The following GRXCR1 variants were observed in gnomAD, a reference collection of about 807,000 sequenced individuals.
GRXCR1 encodes glutaredoxin domain-containing cysteine-rich protein 1.
A neutral mutation model predicts 27.3 loss-of-function variants in GRXCR1; 27 were observed. The observed-to-expected ratio is 0.99, with a 90% CI of 0.73 to 1.37. GRXCR1 has a LOEUF of 1.37. GRXCR1 is among the 40% of genes most tolerant of loss of function. The pLI, the probability that GRXCR1 is intolerant of heterozygous loss-of-function variation, is 0.00. For missense variants in GRXCR1, 379 were observed against 354.4 expected (o/e 1.07, Z -0.56); for synonymous variants, 122 against 131.1 (o/e 0.93, Z 0.47).
intron 1 of GRXCR1, among the ~76,000 whole-genome samples, chr4:42,923,968 T>C (rs1747083123): frequency 6.6e-6 from 1 of 152,014 alleles, no homozygotes; most frequent in Non-Finnish European, 1.5e-5. Context: ...AGTAAACCAC[T>C]CACCAACATC....
At chr4:42,933,202 T>C (rs1747371905) in intron 1 of GRXCR1, among the ~76,000 whole-genome samples, 1 of 151,884 alleles carries the variant, frequency 6.6e-6, no homozygotes, top group South Asian at 2.1e-4. Context: ...AAGAGACACC[T>C]CCACCTCTTT....
chr4:42,976,765 TA>T (rs1481667340), intron 2 of GRXCR1, among the ~76,000 whole-genome samples: 1 of 152,048 alleles, frequency 6.6e-6, no homozygotes, highest in Admixed American at 6.6e-5. Context: ...GTGGAATGGC[TA>T]AATCTAGCTA....
In GRXCR1 at chr4:42,903,404, T is replaced by C. The variant is rs544364678; in HGVS notation, c.384+9754T>C. On this transcript the variant is annotated intron_variant, in intron 1 of 3. Coordinates refer to ENST00000399770, the MANE Select transcript of GRXCR1 (RefSeq NM_001080476.3). ...TCGGCTCACTGCAAGCTCTGCCTCC[T>C]GGGTTCATGCCATTCTCCTGCCTCA... is the stretch of plus-strand genomic sequence containing the variant. Among the ~76,000 whole-genome samples the C allele has an allele frequency of 1.0e-4, 14 of 138,688 alleles. 2 individuals carry two copies. The East Asian group carries it at 1.1e-3, about 11-fold the overall frequency. 91.0% of individuals were successfully genotyped at this position (138,688 alleles called of 152,430 possible). A position where few individuals can be genotyped will look rare whatever the true frequency, so the allele number is the denominator to read the frequency against.
chr4:42,946,905 A>G (rs1017296949), intron 1 of GRXCR1, among the ~76,000 whole-genome samples: 2 of 152,166 alleles, frequency 1.3e-5, no homozygotes, highest in Non-Finnish European at 2.9e-5. Context: ...AAATTACATA[A>G]CATACACTTT....
intron 2 of GRXCR1, among the ~76,000 whole-genome samples, chr4:42,970,217 G>A (rs910930521): frequency 2.6e-5 from 4 of 152,112 alleles, no homozygotes; most frequent in Non-Finnish European, 4.4e-5. Flanking sequence ...TTGAGTGTCC[G>A]CAGCTTTTCC....
At chr4:42,995,044 A>T (rs1044318578) in intron 2 of GRXCR1, among the ~76,000 whole-genome samples, 1 of 152,128 alleles carries the variant, frequency 6.6e-6, no homozygotes, top group African/African-American at 2.4e-5. Flanking sequence ...TAATCTGTTT[A>T]TTAAACTGAA....
At chr4:42,901,263 T>C (rs1213060312) in intron 1 of GRXCR1, among the ~76,000 whole-genome samples, 1 of 152,164 alleles carries the variant, frequency 6.6e-6, no homozygotes, top group East Asian at 1.9e-4. Context: ...ATCAAATCAC[T>C]ACAAACTTAG....
intron 2 of GRXCR1, among the ~76,000 whole-genome samples, chr4:42,987,836 A>C (rs1301881665): frequency 6.6e-6 from 1 of 152,182 alleles, no homozygotes; most frequent in Non-Finnish European, 1.5e-5. Context: ...AACGTCAGAG[A>C]CTAGGGAAGA....
chr4:42,894,458 A>G (rs1431945913), intron 1 of GRXCR1, among the ~76,000 whole-genome samples: 1 of 152,112 alleles, frequency 6.6e-6, no homozygotes, highest in Admixed American at 6.6e-5. Context: ...GATTGCTATC[A>G]TTAAGGTAGC....
chr4:42,987,261 A>ATATATATATATAATATATATATATAATAT (rs1491549715), intron 2 of GRXCR1, among the ~76,000 whole-genome samples: 2 of 97,274 alleles, frequency 2.1e-5, no homozygotes, highest in African/African-American at 7.3e-5. Flanking sequence ...ATATATATAT[A>ATATATATATATAATATATATATATAATAT]ATATATATAT....
chr4:42,950,531 A>C (rs1747858145), intron 1 of GRXCR1, among the ~76,000 whole-genome samples: 1 of 152,190 alleles, frequency 6.6e-6, no homozygotes, highest in African/African-American at 2.4e-5. Flanking sequence ...AGATATTCAT[A>C]TTACAAGATA....
intron 2 of GRXCR1, 48 bp downstream of exon 2, chr4:42,963,182 C>T: frequency 5.6e-6 from 9 of 1,598,090 alleles, no homozygotes; most frequent in East Asian, 2.2e-5. Flanking sequence ...CCAACCAGGG[C>T]TGATAGAAAT....
chr4:42,950,432 T>A (rs1409540251), intron 1 of GRXCR1, among the ~76,000 whole-genome samples: 1 of 152,194 alleles, frequency 6.6e-6, no homozygotes, highest in Non-Finnish European at 1.5e-5. Flanking sequence ...ATGATTTTGG[T>A]GGTCATCCTC....
At chr4:42,934,692 G>A (rs1232157471) in intron 1 of GRXCR1, among the ~76,000 whole-genome samples, 2 of 151,846 alleles carry the variant, frequency 1.3e-5, no homozygotes, top group Admixed American at 6.6e-5. Flanking sequence ...TGTTATCCAT[G>A]TTTGTATTAA....
intron 2 of GRXCR1, among the ~76,000 whole-genome samples, chr4:42,971,191 A>T (rs1005576534): frequency 2.6e-5 from 4 of 152,120 alleles, no homozygotes; most frequent in Non-Finnish European, 4.4e-5. Context: ...CACTATCAAC[A>T]TTTTGGTCAA....
intron 2 of GRXCR1, among the ~76,000 whole-genome samples, chr4:42,976,201 G>A (rs796756714): frequency 6.6e-6 from 1 of 151,986 alleles, no homozygotes; most frequent in South Asian, 2.1e-4. Context: ...CACTATAAAA[G>A]TATAAAGCGG....
chr4:42,983,367 G>T (rs571578815), intron 2 of GRXCR1, among the ~76,000 whole-genome samples: 1,614 of 148,970 alleles, frequency 0.011, 11 homozygotes, highest in African/African-American at 0.037. Flanking sequence ...GATAGTTGTA[G>T]ATATGCGGCG....
At chr4:42,905,004 A>G (rs17449957) in intron 1 of GRXCR1, among the ~76,000 whole-genome samples, 30,889 of 152,140 alleles carry the variant, frequency 0.2, 3,189 homozygotes, top group South Asian at 0.31. Flanking sequence ...CGTAAAAGGC[A>G]TCTTGGTACC....
chr4:42,917,935 C>A (rs1746921503), intron 1 of GRXCR1, among the ~76,000 whole-genome samples: 1 of 152,070 alleles, frequency 6.6e-6, no homozygotes, highest in Non-Finnish European at 1.5e-5. Context: ...GAAAAGTCAG[C>A]ACTTACTTTT....
Sources: gnomAD v4.1 joint callset for allele counts (sites outside exome capture counted in the v4.1 genomes callset) on GRCh38, gnomAD v4.1.1 for gene constraint, MANE v1.5 for transcripts, NCBI Gene and HGNC (gene_info 2026-07-23, HGNC 2026-07-21) for gene names.